Variants in SORCS3 observed in about 807,000 individuals in gnomAD.
SORCS3 encodes sortilin related VPS10 domain containing receptor 3.
A neutral mutation model predicts 146.3 loss-of-function variants in SORCS3; 57 were observed. That is an observed-to-expected ratio of 0.39 (90% CI 0.31 to 0.49). The LOEUF is 0.49. Ranked by LOEUF, SORCS3 falls within the 20% of genes least tolerant of loss-of-function variation. SORCS3 has a pLI of 0.92. For synonymous variants in SORCS3, 653 were observed against 618.5 expected (o/e 1.06, Z -0.83); for missense variants, 1,341 against 1,575.5 (o/e 0.85, Z 2.52).
intron 1 of SORCS3, among the ~76,000 whole-genome samples, chr10:104,830,254 A>G (rs1014607386): frequency 3.3e-5 from 5 of 152,198 alleles, no homozygotes; most frequent in Admixed American, 2.0e-4. Context: ...ACGGCTGCAT[A>G]GTATTTCTAA....
At chr10:104,699,174 A>G (rs1211349996) in intron 1 of SORCS3, among the ~76,000 whole-genome samples, 1 of 152,184 alleles carries the variant, frequency 6.6e-6, no homozygotes, top group East Asian at 1.9e-4. Context: ...AGCCTGGACC[A>G]CCAAATGTCT....
chr10:105,210,896 G>A (rs114883412), intron 16 of SORCS3, among the ~76,000 whole-genome samples: 2 of 152,200 alleles, frequency 1.3e-5, no homozygotes, highest in East Asian at 3.9e-4. Flanking sequence ...TTTAAACCTA[G>A]AATTTCTATT....
At chr10:105,078,615 G>A (rs1010891499) in intron 5 of SORCS3, among the ~76,000 whole-genome samples, 1 of 152,186 alleles carries the variant, frequency 6.6e-6, no homozygotes, top group East Asian at 1.9e-4. Flanking sequence ...CGTTAAAGGT[G>A]TTCTATAAAT....
chr10:104,994,932 A>T (rs2055015302), intron 4 of SORCS3, among the ~76,000 whole-genome samples: 1 of 152,142 alleles, frequency 6.6e-6, no homozygotes, highest in South Asian at 2.1e-4. Context: ...ATTTCTCTTG[A>T]TTTCTCTTGG....
intron 3 of SORCS3, among the ~76,000 whole-genome samples, chr10:104,966,070 G>A (rs905156082): frequency 2.6e-5 from 4 of 151,818 alleles, no homozygotes; most frequent in African/African-American, 9.7e-5. Context: ...TTTTGTGCTG[G>A]ATAATTCTTT....
intron 4 of SORCS3, among the ~76,000 whole-genome samples, chr10:105,022,487 G>A (rs140661208): frequency 1.3e-4 from 19 of 151,274 alleles, no homozygotes; most frequent in African/African-American, 4.4e-4. Flanking sequence ...TTTTTTGGTA[G>A]AGACAGGTTT....
chr10:104,880,503 T>G (rs1325027052), intron 2 of SORCS3, among the ~76,000 whole-genome samples: 1 of 152,220 alleles, frequency 6.6e-6, no homozygotes, highest in African/African-American at 2.4e-5. Context: ...TACATGTGTT[T>G]GATGCCTAAT....
At chr10:104,820,170 AT>A (rs879485785) in intron 1 of SORCS3, among the ~76,000 whole-genome samples, 80 of 152,256 alleles carry the variant, frequency 5.3e-4, no homozygotes, top group Non-Finnish European at 1.0e-3. Flanking sequence ...GAGGGAACAG[AT>A]TTTTTAGGGT....
At chr10:105,063,320 T>C (rs761250521) in intron 5 of SORCS3, among the ~76,000 whole-genome samples, 32 of 152,160 alleles carry the variant, frequency 2.1e-4, no homozygotes, top group Non-Finnish European at 3.5e-4. Flanking sequence ...ATCTGGACAA[T>C]TGGAGTTAAA....
intron 1 of SORCS3, among the ~76,000 whole-genome samples, chr10:104,740,530 A>C (rs185922576): frequency 6.6e-6 from 1 of 152,120 alleles, no homozygotes; most frequent in Admixed American, 6.6e-5. Flanking sequence ...CACAGCACAT[A>C]TTAAATTGTT....
chr10:105,258,511 A>G (rs1288628118), intron 25 of SORCS3, among the ~76,000 whole-genome samples: 1 of 152,222 alleles, frequency 6.6e-6, no homozygotes, highest in Admixed American at 6.5e-5. Context: ...CCAGAGCAGC[A>G]TAGTTGCTGA....
At chr10:104,720,312 T>C (rs2016531323) in intron 1 of SORCS3, among the ~76,000 whole-genome samples, 1 of 152,236 alleles carries the variant, frequency 6.6e-6, no homozygotes, top group Non-Finnish European at 1.5e-5. Flanking sequence ...GACCTCATCA[T>C]TTTTTATGGC....
At chr10:104,851,149 T>C (rs866258490) in intron 2 of SORCS3, among the ~76,000 whole-genome samples, 7 of 152,350 alleles carry the variant, frequency 4.6e-5, no homozygotes, top group Middle Eastern at 3.4e-3. Context: ...TGCTAGAGAA[T>C]TGAGAAATGA....
At chr10:104,849,170 G>A (rs756281834) in intron 2 of SORCS3, among the ~76,000 whole-genome samples, 1 of 152,076 alleles carries the variant, frequency 6.6e-6, no homozygotes, top group Non-Finnish European at 1.5e-5. Flanking sequence ...CAGCACTTTG[G>A]GAGGCTCAGG....
intron 1 of SORCS3, among the ~76,000 whole-genome samples, chr10:104,820,464 G>T (rs1269942135): frequency 6.6e-6 from 1 of 151,928 alleles, no homozygotes. Flanking sequence ...TTTATTTATG[G>T]GTTTACCAAT....
intron 2 of SORCS3, among the ~76,000 whole-genome samples, chr10:104,897,576 C>G (rs2018810928): frequency 6.6e-6 from 1 of 152,186 alleles, no homozygotes; most frequent in Non-Finnish European, 1.5e-5. Flanking sequence ...GTATGTTCAT[C>G]TAAGATTTTA....
At chr10:105,189,917 G>A (rs1257433487) in intron 14 of SORCS3, among the ~76,000 whole-genome samples, 1 of 152,186 alleles carries the variant, frequency 6.6e-6, no homozygotes, top group Non-Finnish European at 1.5e-5. Flanking sequence ...TCATGCAGTA[G>A]ATGCTTTAGC....
chr10:104,985,644 T>A (rs1337068950), intron 4 of SORCS3, among the ~76,000 whole-genome samples: 3 of 152,200 alleles, frequency 2.0e-5, no homozygotes, highest in Non-Finnish European at 4.4e-5. Flanking sequence ...GAAATGTATT[T>A]CTTAAAATAA....
At position 105,193,559 on chromosome 10, in the gene SORCS3, T is replaced by C. The variant is rs939687932; in HGVS notation, c.2010-6440T>C. ...TGTACTTTGAGGTAGACATGGGGAT[T>C]GAAAGAAAATAAACTCTTAGAAATG... On this transcript the variant is annotated intron_variant, in intron 14 of 26. Coordinates refer to ENST00000369701, the MANE Select transcript of SORCS3 (RefSeq NM_014978.3). 2.0e-5 allele frequency among the ~76,000 whole-genome samples: 3 copies of C among 152,162 alleles called. 1 individual carries two copies. Among genetic ancestry groups the C allele is most frequent in the Admixed American group, 2.0e-4 (3 of 15,270 alleles).
Sources: gnomAD v4.1 joint callset for allele counts (sites outside exome capture counted in the v4.1 genomes callset) on GRCh38, gnomAD v4.1.1 for gene constraint, MANE v1.5 for transcripts, NCBI Gene and HGNC (gene_info 2026-07-23, HGNC 2026-07-21) for gene names.